ABCA6: variants seen among roughly 807,000 people sequenced by gnomAD.
ABCA6 encodes ATP-binding cassette sub-family A member 6.
In ABCA6, 164 loss-of-function variants were observed where a neutral mutation model predicts 191.2. That is an observed-to-expected ratio of 0.86 (90% CI 0.76 to 0.98). ABCA6 has a LOEUF of 0.98. Ranked by LOEUF, ABCA6 falls within the 50% of genes least tolerant of loss-of-function variation. ABCA6 has a pLI of 0.00. For missense variants in ABCA6, 1,958 were observed against 1,894.1 expected, an observed-to-expected ratio of 1.03 and a Z score of -0.63; for synonymous variants, 636 against 647.7, an observed-to-expected ratio of 0.98 and a Z score of 0.27.
At chr17:69,097,800 A>T in intron 23 of ABCA6, 120 bp downstream of exon 23, 1 of 663,352 alleles carries the variant, frequency 1.5e-6, no homozygotes, top group Non-Finnish European at 2.4e-6. Context: ...TTTAGCTACA[A>T]TATCTAAATT....
At chr17:69,129,306 C>A (rs1376775540) in intron 7 of ABCA6, among the ~76,000 whole-genome samples, 1 of 152,140 alleles carries the variant, frequency 6.6e-6, no homozygotes, top group East Asian at 1.9e-4. Context: ...GGGTCCACCC[C>A]TCAAAAATAA....
At chr17:69,119,339 C>A (rs1435891829) in intron 10 of ABCA6, among the ~76,000 whole-genome samples, 2 of 152,066 alleles carry the variant, frequency 1.3e-5, no homozygotes, top group Non-Finnish European at 1.5e-5. Context: ...AGATTCATCA[C>A]CCATCCAACC....
intron 6 of ABCA6, 30 bp from the exon 7 acceptor site, chr17:69,129,781 A>T (rs1425886043): frequency 2.0e-6 from 3 of 1,494,532 alleles, no homozygotes; most frequent in Non-Finnish European, 1.8e-6. Flanking sequence ...TATATAAATT[A>T]TGTTAACTTA....
At position 69,133,737 on chromosome 17, in the gene ABCA6, G is replaced by A. The variant is rs760856528; in HGVS notation, c.695C>T (p.Ser232Phe). 5 of 1,611,456 alleles carry A rather than the reference G, an allele frequency of 3.1e-6. No homozygotes were observed. The highest frequency in any genetic ancestry group is 3.4e-6 in the Non-Finnish European group (4 of 1,178,142). The change falls in exon 6 of 39, where the codon TCC (serine) becomes TTC (phenylalanine). Residue 232 changes from serine (S) to phenylalanine (F), a missense_variant. Physicochemically the swap from Ser to Phe is radical, Grantham distance 155. Transcript: ENST00000284425. ...MFILFFLLHF[S>F]PLVYFISLNV... Reference sequence around the variant, plus strand: ...GAGTGATATAAAATATACAAGTGGGGAGAAATGAAGCAAGAAGAATAAAAT... The same window carrying A: ...GAGTGATATAAAATATACAAGTGGGAAGAAATGAAGCAAGAAGAATAAAAT...
intron 2 of ABCA6, among the ~76,000 whole-genome samples, chr17:69,138,695 ATAC>A (rs1172582478): frequency 3.3e-5 from 5 of 151,390 alleles, no homozygotes; most frequent in South Asian, 4.2e-4. Context: ...ACTTCAAACT[ATAC>A]TACAAGGCCA....
intron 37 of ABCA6, among the ~76,000 whole-genome samples, chr17:69,080,293 G>A (rs1355710432): frequency 2.0e-5 from 3 of 151,996 alleles, no homozygotes; most frequent in Non-Finnish European, 2.9e-5. Flanking sequence ...TTGCAGAGAC[G>A]AACCATCTAG....
At position 69,078,907 on chromosome 17, in the gene ABCA6, A is replaced by T; in HGVS notation, c.*66T>A. 1 of 862,122 alleles carries T rather than the reference A, an allele frequency of 1.2e-6. No homozygotes were observed. The highest frequency in any genetic ancestry group is 1.7e-6 in the Non-Finnish European group (1 of 580,294). 53.4% of individuals were successfully genotyped at this position (862,122 alleles called of 1,614,324 possible). A position where few individuals can be genotyped will look rare whatever the true frequency, so the allele number is the denominator to read the frequency against. On this transcript the variant is annotated 3_prime_UTR_variant, in exon 39 of 39. Coordinates refer to ENST00000284425, the MANE Select transcript of ABCA6 (RefSeq NM_080284.3). ...TTAAATGATCTTTAAAATTAAACATACTATTAATTATTACATAAAACATGA... is the reference window on the plus strand; with the variant it reads ...TTAAATGATCTTTAAAATTAAACATTCTATTAATTATTACATAAAACATGA...
intron 37 of ABCA6, 137 bp downstream of exon 37, chr17:69,080,929 A>G (rs2072614952): frequency 2.7e-5 from 14 of 511,938 alleles, no homozygotes; most frequent in Middle Eastern, 9.1e-4. Context: ...TCTCACCATT[A>G]CCTACAGTTA....
chr17:69,094,106 G>C (rs1264642741), intron 25 of ABCA6, among the ~76,000 whole-genome samples: 1 of 152,122 alleles, frequency 6.6e-6, no homozygotes, highest in Non-Finnish European at 1.5e-5. Context: ...TGTCATGTCT[G>C]ATTTTCTGCT....
intron 30 of ABCA6, among the ~76,000 whole-genome samples, chr17:69,086,143 C>T (rs1031128613): frequency 6.6e-6 from 1 of 152,102 alleles, no homozygotes; most frequent in Non-Finnish European, 1.5e-5. Flanking sequence ...ACTTGTCCCC[C>T]CCAACCCAAA....
At chr17:69,102,455 T>C (rs1223383037) in intron 21 of ABCA6, among the ~76,000 whole-genome samples, 2 of 152,212 alleles carry the variant, frequency 1.3e-5, no homozygotes, top group Non-Finnish European at 2.9e-5. Flanking sequence ...TTCTCAGTTA[T>C]TTCGTGTAGA....
chr17:69,112,997 C>T (rs944961045), intron 15 of ABCA6: 9 of 359,864 alleles, frequency 2.5e-5, no homozygotes, highest in African/African-American at 1.3e-4. Flanking sequence ...GACAGCTGAT[C>T]TAAAAAAAAA....
chr17:69,085,734 A>G lies in ABCA6; in HGVS notation c.3938-18T>C. On this transcript the variant is annotated intron_variant, in intron 30 of 38. Transcript: ENST00000284425. ...AATTTCACCTGAAAGAAAGAATCAG[A>G]CTATCAATATTGGAAGTGAAATACT... 6.6e-7 allele frequency: 1 copy of G among 1,525,846 alleles called. No homozygotes were observed. Among genetic ancestry groups the G allele is most frequent in the East Asian group, 2.3e-5 (1 of 44,436 alleles). The allele number at this position is 1,525,846 out of a possible 1,614,324, so 94.5% of individuals were successfully genotyped here.
At position 69,123,355 on chromosome 17, in the gene ABCA6, A is replaced by T. The variant is rs1398741931; in HGVS notation, c.1320T>A (p.Cys440Ter). 2.8e-5 allele frequency: 44 copies of T among 1,558,498 alleles called. No homozygotes were observed. Among genetic ancestry groups the T allele is most frequent in the Non-Finnish European group, 3.5e-5 (40 of 1,145,828 alleles). Residue 440 changes from cysteine to a stop codon, truncating the protein, a stop_gained, in exon 10 of 39, where the codon TGT (cysteine) becomes TGA (stop). Coordinates refer to ENST00000284425, the MANE Select transcript of ABCA6 (RefSeq NM_080284.3). LOFTEE classifies it high-confidence loss of function. ...SPLFFLNSSS[C>*]FQHQRTNAKV... The stretch of plus-strand genomic sequence containing the variant: ...TAGCATTAGTCCTTTGGTGTTGGAA[A>T]CAAGATGATGAATTCAAGAAAAATA...
At chr17:69,111,155 A>G (rs2073414757) in intron 16 of ABCA6, 1 of 399,856 alleles carries the variant, frequency 2.5e-6, no homozygotes, top group Non-Finnish European at 4.4e-6. Context: ...TACAAAATAT[A>G]CAAACAAATA....
In ABCA6 at chr17:69,083,283, C is replaced by T. The variant is rs764820975; in HGVS notation, c.4404G>A (p.Leu1468=). The T allele has an allele frequency of 5.6e-6, 9 of 1,608,400 alleles. No homozygotes were observed. Among genetic ancestry groups the T allele is most frequent in the Non-Finnish European group, 7.6e-6 (9 of 1,178,584 alleles). ...CCGCCTCAGCCAGGTTATGGGTGGT[C>T]AGGAGGACACCTCTCTCTGTGTTTT... The part of the protein sequence containing the change: ...VVKNTERGVL[L]TTHNLAEAEA... The change falls in exon 35 of 39, where the codon CTG becomes CTA. Residue 1468 remains leucine, a synonymous_variant. Transcript: ENST00000284425.
Position 69,081,165 on chromosome 17 carries a change from G to GT in ABCA6, c.4617-21dup, listed in dbSNP as rs746017545. 3.1e-5 allele frequency: 45 copies of GT among 1,440,176 alleles called. No individual in the cohort carries two copies. The East Asian group carries it at 1.0e-3, about 33-fold the overall frequency. 89.2% of individuals were successfully genotyped at this position (1,440,176 alleles called of 1,614,324 possible). A position where few individuals can be genotyped will look rare whatever the true frequency, so the allele number is the denominator to read the frequency against. ...GAATACCTGAAAACAGGAAGATGTC[G>GT]TTTTCAGCTCTGAGTTTCAAGGGGA... On this transcript the variant is annotated intron_variant, in intron 36 of 38. Coordinates refer to ENST00000284425, the MANE Select transcript of ABCA6 (RefSeq NM_080284.3).
intron 31 of ABCA6, among the ~76,000 whole-genome samples, chr17:69,085,392 C>T (rs1332196783): frequency 6.6e-6 from 1 of 151,764 alleles, no homozygotes. Flanking sequence ...ACCTAATAAG[C>T]TCAGGTAGTT....
In ABCA6 at chr17:69,105,498, C is replaced by A; in HGVS notation, c.2704G>T (p.Glu902Ter). ...YFLSPGQLPQEPRTSLLIINN... is the reference protein window; with the variant it reads ...YFLSPGQLPQ ...ATGATCAACAGGCTGGTACGGGGTT[C>A]CTGGGGAAGTTGTCCAGGAGAGAGA... Residue 902 changes from glutamate (E) to a stop codon, truncating the protein, a stop_gained, in exon 20 of 39, where the codon GAA becomes TAA. Transcript: ENST00000284425. LOFTEE classifies it high-confidence loss of function. 6.2e-7 allele frequency: 1 copy of A among 1,610,204 alleles called. No individual in the cohort carries two copies. Among genetic ancestry groups the A allele is most frequent in the Non-Finnish European group, 8.5e-7 (1 of 1,179,304 alleles).
Sources: gnomAD v4.1 joint callset for allele counts (sites outside exome capture counted in the v4.1 genomes callset) on GRCh38, gnomAD v4.1.1 for gene constraint, MANE v1.5 for transcripts, NCBI Gene and HGNC (gene_info 2026-07-23, HGNC 2026-07-21) for gene names.